Variants in AKIP1 observed in about 807,000 individuals in gnomAD.
AKIP1 encodes A-kinase interacting protein 1.
A neutral mutation model predicts 22.3 loss-of-function variants in AKIP1; 18 were observed. That is an observed-to-expected ratio of 0.81 (90% CI 0.56 to 1.19). AKIP1 has a LOEUF of 1.19. Among genes scored for constraint, AKIP1 ranks in the 50% most tolerant of loss-of-function variants. The pLI is 0.00. For missense variants in AKIP1, 287 were observed against 264.6 expected (o/e 1.08, Z -0.59); for synonymous variants, 120 against 102.7 (o/e 1.17, Z -1.02).
At position 8,914,749 on chromosome 11, in the gene AKIP1, T is replaced by C. The variant is rs2064451352; in HGVS notation, c.304-77T>C. On this transcript the variant is annotated intron_variant, in intron 3 of 5. Coordinates refer to ENST00000309377, the MANE Select transcript of AKIP1 (RefSeq NM_020642.4). Reference sequence around the variant, plus strand: ...TCTTGCCTCCCTCCTTAACTGCACTTTGCCCAAATATCAGGGTTTTTTGAA... The same window carrying C: ...TCTTGCCTCCCTCCTTAACTGCACTCTGCCCAAATATCAGGGTTTTTTGAA... 5 of 1,125,250 alleles carry C rather than the reference T, an allele frequency of 4.4e-6. No individual in the cohort carries two copies. The Admixed American group carries it at 7.2e-5, about 16-fold the overall frequency. The allele number at this position is 1,125,250 out of a possible 1,614,324, so 69.7% of individuals were successfully genotyped here.
chr11:8,911,401 C>G (rs1343782771), intron 1 of AKIP1, 43 bp from the exon 2 acceptor site: 1 of 1,508,198 alleles, frequency 6.6e-7, no homozygotes, highest in Non-Finnish European at 8.9e-7. Context: ...GTCGCCGCGG[C>G]CCAGCTGACC....
At chr11:8,912,871 C>CTTTTTTTTT (rs71059196) in intron 3 of AKIP1, among the ~76,000 whole-genome samples, 21 of 92,966 alleles carry the variant, frequency 2.3e-4, no homozygotes, top group Admixed American at 5.0e-4. Flanking sequence ...TTTTTTTTAA[C>CTTTTTTTTT]TTTTTTTTTT....
intron 2 of AKIP1, 41 bp downstream of exon 2, chr11:8,911,712 C>T: frequency 1.4e-6 from 2 of 1,456,896 alleles, no homozygotes; most frequent in Non-Finnish European, 1.8e-6. Context: ...GTCCTTCGCG[C>T]CGCGGTAGCC....
intron 4 of AKIP1, among the ~76,000 whole-genome samples, chr11:8,915,723 C>T (rs1322145981): frequency 6.7e-6 from 1 of 150,176 alleles, no homozygotes; most frequent in Non-Finnish European, 1.5e-5. Context: ...ACTGCAACTT[C>T]TGCCTCCCAG....
chr11:8,913,390 G>T (rs1358677375), intron 3 of AKIP1, among the ~76,000 whole-genome samples: 1 of 151,960 alleles, frequency 6.6e-6, no homozygotes, highest in African/African-American at 2.4e-5. Context: ...GCTTCACCAT[G>T]TTGGCCAGGC....
At chr11:8,913,523 A>T (rs1188482687) in intron 3 of AKIP1, among the ~76,000 whole-genome samples, 1 of 152,212 alleles carries the variant, frequency 6.6e-6, no homozygotes, top group Non-Finnish European at 1.5e-5. Context: ...TGTTGAGGGC[A>T]GGCCAGAAAA....
At chr11:8,913,930 C>G (rs1454170200) in intron 3 of AKIP1, among the ~76,000 whole-genome samples, 3 of 152,208 alleles carry the variant, frequency 2.0e-5, no homozygotes, top group Non-Finnish European at 4.4e-5. Context: ...TGAGGTTTAG[C>G]AAATTGCTGT....
intron 5 of AKIP1, among the ~76,000 whole-genome samples, chr11:8,918,341 T>C (rs1343132469): frequency 6.6e-6 from 1 of 152,222 alleles, no homozygotes; most frequent in African/African-American, 2.4e-5. Flanking sequence ...TGGACAGGCA[T>C]GAAAGAATAC....
At chr11:8,912,871 C>CTTTCT (rs773623529) in intron 3 of AKIP1, among the ~76,000 whole-genome samples, 20 of 92,972 alleles carry the variant, frequency 2.2e-4, no homozygotes, top group African/African-American at 8.0e-4. Context: ...TTTTTTTTAA[C>CTTTCT]TTTTTTTTTT....
chr11:8,914,323 C>T (rs1028080168), intron 3 of AKIP1, among the ~76,000 whole-genome samples: 1 of 152,210 alleles, frequency 6.6e-6, no homozygotes, highest in Non-Finnish European at 1.5e-5. Context: ...TCCACTCCCC[C>T]ACGCGCAGGA....
rs1034722082 is a variant in AKIP1, at chr11:8,911,519, C to T, written c.70C>T (p.Leu24=). 1.2e-6 allele frequency: 2 copies of T among 1,609,654 alleles called. No individual in the cohort carries two copies. Among genetic ancestry groups the T allele is most frequent in the Non-Finnish European group, 1.7e-6 (2 of 1,178,302 alleles). ...DRRSLQRSAR[L]ALEVLERAKR... is the part of the protein sequence containing the mutation. ...ACGTTCCCTGCAGCGTTCAGCAAGGCTGGCTCTAGAAGTGCTGGAGAGGGC... is the reference window on the plus strand; with the variant it reads ...ACGTTCCCTGCAGCGTTCAGCAAGGTTGGCTCTAGAAGTGCTGGAGAGGGC... Residue 24 remains leucine, a synonymous_variant, in exon 2 of 6, where the codon CTG becomes TTG. Transcript: ENST00000309377.
chr11:8,919,668 A>G lies in AKIP1; in HGVS notation c.*188A>G, dbSNP rs4910157. The stretch of plus-strand genomic sequence containing the variant: ...GTTGGTTTTTTTTTGAGACAGTCTC[A>G]CTCTGTTGCCCAGGCTGGAGTGCAG... On this transcript the variant is annotated 3_prime_UTR_variant, in exon 6 of 6. Coordinates refer to ENST00000309377, the MANE Select transcript of AKIP1 (RefSeq NM_020642.4). 0.43 allele frequency: 257,293 copies of G among 600,752 alleles called. 57,877 individuals carry two copies. The highest frequency in any genetic ancestry group is 0.47 in the Non-Finnish European group (168,536 of 355,460). 37.2% of individuals were successfully genotyped at this position (600,752 alleles called of 1,614,324 possible). A position where few individuals can be genotyped will look rare whatever the true frequency, so the allele number is the denominator to read the frequency against.
intron 5 of AKIP1, among the ~76,000 whole-genome samples, chr11:8,918,991 T>C (rs996046951): frequency 2.6e-5 from 4 of 152,260 alleles, no homozygotes; most frequent in Non-Finnish European, 5.9e-5. Context: ...CACTGTCTAC[T>C]TCTGATCCCC....
chr11:8,917,755 A>G, intron 5 of AKIP1: 1 of 354,238 alleles, frequency 2.8e-6, no homozygotes, highest in African/African-American at 2.0e-5. Context: ...ATTCCGAAAC[A>G]TACACATTTG....
chr11:8,914,775 A>AATCCT, intron 3 of AKIP1, 51 bp from the exon 4 acceptor site: 11 of 1,475,804 alleles, frequency 7.5e-6, no homozygotes, highest in Non-Finnish European at 1.0e-5. Flanking sequence ...GTTTTTTGAA[A>AATCCT]ATTTGACAAG....
chr11:8,913,623 C>G (rs2064434554), intron 3 of AKIP1, among the ~76,000 whole-genome samples: 1 of 152,142 alleles, frequency 6.6e-6, no homozygotes. Context: ...TTGGTGAGTC[C>G]TACATGGTTT....
At chr11:8,912,786 A>T (rs1433511408) in intron 3 of AKIP1, among the ~76,000 whole-genome samples, 1 of 151,814 alleles carries the variant, frequency 6.6e-6, no homozygotes, top group Non-Finnish European at 1.5e-5. Context: ...TTCTGCCCTC[A>T]GTGATCTTTC....
Position 8,911,488 on chromosome 11 carries a change from G to T in AKIP1, c.39G>T (p.Val13=), listed in dbSNP as rs2064344177. The change falls in exon 2 of 6, where the codon GTG becomes GTT. Residue 13 remains valine (V), a synonymous_variant. Coordinates refer to ENST00000309377, the MANE Select transcript of AKIP1 (RefSeq NM_020642.4). The part of the protein sequence containing the change: ...NCLAAAALNG[V]DRRSLQRSAR... Reference sequence around the variant, plus strand: ...TGGCGGCCGCAGCGCTGAATGGGGTGGACCGACGTTCCCTGCAGCGTTCAG... The same window carrying T: ...TGGCGGCCGCAGCGCTGAATGGGGTTGACCGACGTTCCCTGCAGCGTTCAG... 3 of 1,606,526 alleles carry T rather than the reference G, an allele frequency of 1.9e-6. No homozygotes were observed. The highest frequency in any genetic ancestry group is 1.1e-5 in the South Asian group (1 of 89,202).
chr11:8,919,156 G>T (rs3763914), intron 5 of AKIP1, among the ~76,000 whole-genome samples, 181 bp from the exon 6 acceptor site: 31,383 of 152,180 alleles, frequency 0.21, 3,352 homozygotes, highest in East Asian at 0.35. Context: ...AGGAAAGGCT[G>T]AGACCTACCA....
Sources: gnomAD v4.1 joint callset for allele counts (sites outside exome capture counted in the v4.1 genomes callset) on GRCh38, gnomAD v4.1.1 for gene constraint, MANE v1.5 for transcripts, NCBI Gene and HGNC (gene_info 2026-07-23, HGNC 2026-07-21) for gene names.